DPYSL4: variants seen among roughly 807,000 people sequenced by gnomAD.
DPYSL4 encodes dihydropyrimidinase-related protein 4.
A neutral mutation model predicts 63.4 loss-of-function variants in DPYSL4; 43 were observed. The observed-to-expected ratio is 0.68, with a 90% confidence interval of 0.53 to 0.88. DPYSL4 has a LOEUF of 0.88. DPYSL4 is among the 40% of genes least tolerant of loss of function. DPYSL4 has a pLI of 0.00. For synonymous variants in DPYSL4, 353 were observed against 331.7 expected (o/e 1.06, Z -0.70); for missense variants, 733 against 819.5 (o/e 0.89, Z 1.29).
At chr10:132,204,656 G>A (rs1042497296) in intron 13 of DPYSL4, among the ~76,000 whole-genome samples, 183 bp from the exon 14 acceptor site, 7 of 152,142 alleles carry the variant, frequency 4.6e-5, no homozygotes, top group Non-Finnish European at 1.0e-4. Flanking sequence ...CCTGCACCCC[G>A]GGCCTCAGGG....
At chr10:132,192,635 A>G in intron 2 of DPYSL4, 23 bp from the exon 3 acceptor site, 4 of 1,583,384 alleles carry the variant, frequency 2.5e-6, no homozygotes, top group South Asian at 1.2e-5. Flanking sequence ...CCCTGTAACC[A>G]GTGAAATCTC....
Position 132,194,847 on chromosome 10 carries a change from G to A in DPYSL4, c.316G>A (p.Asp106Asn). 6.2e-7 allele frequency: 1 copy of A among 1,612,298 alleles called. No homozygotes were observed. Among genetic ancestry groups the A allele is most frequent in the Non-Finnish European group, 8.5e-7 (1 of 1,179,584 alleles). The change falls in exon 4 of 14, where the codon GAC (aspartate) becomes AAC (asparagine). Residue 106 changes from aspartate to asparagine, a missense_variant and splice_region_variant. Coordinates refer to ENST00000338492, the MANE Select transcript of DPYSL4 (RefSeq NM_006426.3). ...TGCTGACCATGCTGCCTTCACAGTG[G>A]ACCACGTCTTCCCCGACACGGGTGT... is the stretch of plus-strand genomic sequence containing the variant. Reference protein sequence around the residue: ...ALAGGTTMILDHVFPDTGVSL... With the variant: ...ALAGGTTMILNHVFPDTGVSL...
At chr10:132,204,787 G>GGGCCCC in intron 13 of DPYSL4, 52 bp from the exon 14 acceptor site, 1 of 1,503,596 alleles carries the variant, frequency 6.7e-7, no homozygotes, top group Non-Finnish European at 9.0e-7. Context: ...TTGAATAGAA[G>GGGCCCC]GGCCCCTGCC....
Position 132,200,430 on chromosome 10 carries a change from G to A in DPYSL4, c.886G>A (p.Ala296Thr). 6.2e-7 allele frequency: 1 copy of A among 1,613,600 alleles called. No homozygotes were observed. The highest frequency in any genetic ancestry group is 8.5e-7 in the Non-Finnish European group (1 of 1,179,930). Residue 296 changes from alanine (A) to threonine (T), a missense_variant, in exon 9 of 14, where the codon GCC becomes ACC. Physicochemically the swap from Ala to Thr is moderately conservative, Grantham distance 58 (BLOSUM62 0). Coordinates refer to ENST00000338492, the MANE Select transcript of DPYSL4 (RefSeq NM_006426.3). ...TTCACACTACTGGAGCAAGAACTGG[G>A]CCAAGGCCGCAGCCTTCGTCACATC... is the stretch of plus-strand genomic sequence containing the variant. ...DGSHYWSKNW[A>T]KAAAFVTSPP...
At position 132,202,792 on chromosome 10, in the gene DPYSL4, C is replaced by T. The variant is rs771515279; in HGVS notation, c.1428C>T (p.Asp476=). 1.2e-5 allele frequency: 20 copies of T among 1,608,758 alleles called. No homozygotes were observed. In the South Asian group the frequency reaches 2.2e-4, roughly 18 times the overall value. Residue 476 remains aspartate (D), a synonymous_variant, in exon 12 of 14, where the codon GAC becomes GAT. Coordinates refer to ENST00000338492, the MANE Select transcript of DPYSL4 (RefSeq NM_006426.3). ...TCGTCCCTCGGAAAACATTCCCGGA[C>T]TTTGTCTACAAGAGGATCAAAGCTC... ...GRFVPRKTFP[D]FVYKRIKARN... is the part of the protein sequence containing the mutation.
intron 12 of DPYSL4, 199 bp from the exon 13 acceptor site, chr10:132,203,563 C>T: frequency 5.1e-6 from 3 of 587,934 alleles, no homozygotes; most frequent in South Asian, 2.1e-5. Context: ...GGGAGGACTG[C>T]AAGGAGGGAG....
chr10:132,200,302 C>T (rs547239065), intron 8 of DPYSL4, 54 bp from the exon 9 acceptor site: 1 of 1,602,166 alleles, frequency 6.2e-7, no homozygotes, highest in African/African-American at 1.3e-5. Context: ...GTTCTCGGGG[C>T]CCCAGGGGGT....
Position 132,204,916 on chromosome 10 carries a change from A to G in DPYSL4, c.1705A>G (p.Thr569Ala). ...MAPPGGRSNI[T>A]SLS ...ACCACCTGGCGGCCGCTCCAACATC[A>G]CCTCTCTCTCCTAGACGCCCAGGAC... is the stretch of plus-strand genomic sequence containing the variant. The change falls in exon 14 of 14, where the codon ACC becomes GCC. Residue 569 changes from threonine (T) to alanine (A), a missense_variant. Thr to Ala is a moderately conservative substitution (Grantham distance 58). Coordinates refer to ENST00000338492, the MANE Select transcript of DPYSL4 (RefSeq NM_006426.3). 1 of 1,608,228 alleles carries G rather than the reference A, an allele frequency of 6.2e-7. No individual in the cohort carries two copies. The highest frequency in any genetic ancestry group is 8.5e-7 in the Non-Finnish European group (1 of 1,177,636).
chr10:132,199,992 G>A (rs1416897231), intron 8 of DPYSL4, among the ~76,000 whole-genome samples: 1 of 152,162 alleles, frequency 6.6e-6, no homozygotes, highest in Non-Finnish European at 1.5e-5. Flanking sequence ...ACCCTGGTGA[G>A]GCCATGGCCA....
At chr10:132,203,698 C>G (rs555124269) in intron 12 of DPYSL4, 64 bp from the exon 13 acceptor site, 3 of 1,411,466 alleles carry the variant, frequency 2.1e-6, no homozygotes, top group Non-Finnish European at 2.8e-6. Flanking sequence ...TGCCCCATCT[C>G]TGGCCCCACA....
At chr10:132,201,033 G>A (rs780393396) in intron 10 of DPYSL4, 50 bp downstream of exon 10, 47 of 1,598,142 alleles carry the variant, frequency 2.9e-5, no homozygotes, top group East Asian at 4.5e-5. Context: ...GGCTGTGGGC[G>A]GGATTGTGAT....
At chr10:132,188,185 G>T (rs1293489112) in intron 1 of DPYSL4, among the ~76,000 whole-genome samples, 1 of 152,180 alleles carries the variant, frequency 6.6e-6, no homozygotes, top group Admixed American at 6.5e-5. Flanking sequence ...CCCAGGGGAG[G>T]TCAGGCAACC....
chr10:132,204,404 G>A (rs930867247), intron 13 of DPYSL4, among the ~76,000 whole-genome samples: 7 of 152,162 alleles, frequency 4.6e-5, no homozygotes, highest in African/African-American at 1.2e-4. Flanking sequence ...CTCTGGCGTC[G>A]CTTCTGGTGC....
At chr10:132,188,548 C>T (rs543092223) in intron 1 of DPYSL4, among the ~76,000 whole-genome samples, 1 of 152,274 alleles carries the variant, frequency 6.6e-6, no homozygotes, top group East Asian at 1.9e-4. Context: ...CTGAGCCTGG[C>T]GCTCAGCTGG....
intron 7 of DPYSL4, 69 bp from the exon 8 acceptor site, chr10:132,198,782 C>G (rs201521446): frequency 2.5e-4 from 388 of 1,581,104 alleles, no homozygotes; most frequent in Non-Finnish European, 3.2e-4. Context: ...CCTGGGCATC[C>G]CCATTGCCCA....
chr10:132,203,643 C>T lies in DPYSL4; in HGVS notation c.1462-119C>T, dbSNP rs776765328. 129 of 1,002,820 alleles carry T rather than the reference C, an allele frequency of 1.3e-4. 1 individual carries two copies. The highest frequency in any genetic ancestry group is 1.6e-4 in the Non-Finnish European group (113 of 692,754). 62.1% of individuals were successfully genotyped at this position (1,002,820 alleles called of 1,614,324 possible). A position where few individuals can be genotyped will look rare whatever the true frequency, so the allele number is the denominator to read the frequency against. ...ATTCCTGAAGCTGGCACTGGAGAGGCGCAGAGCAGGCCCAGCCCTCCAGCT... is the reference window on the plus strand; with the variant it reads ...ATTCCTGAAGCTGGCACTGGAGAGGTGCAGAGCAGGCCCAGCCCTCCAGCT... On this transcript the variant is annotated intron_variant, in intron 12 of 13. Transcript: ENST00000338492.
chr10:132,200,173 C>T (rs1245115812), intron 8 of DPYSL4, among the ~76,000 whole-genome samples, 183 bp from the exon 9 acceptor site: 4 of 152,208 alleles, frequency 2.6e-5, no homozygotes, highest in Non-Finnish European at 5.9e-5. Flanking sequence ...GGGCCAACCA[C>T]GTCTGCCCGC....
intron 1 of DPYSL4, among the ~76,000 whole-genome samples, chr10:132,187,846 G>A (rs1042145537): frequency 2.6e-5 from 4 of 152,226 alleles, no homozygotes; most frequent in Non-Finnish European, 4.4e-5. Context: ...AAGCCTCCCC[G>A]CTCGGGCGGG....
rs140946570 is a variant in DPYSL4 at position 132,200,510 on chromosome 10, C to G, written c.966C>G (p.Ser322=). ...TTADHLTCLL[S]SGDLQVTGSA... ...CGGACCACCTCACCTGCTTGCTGTCCAGGTAAGCAGCCTCTCCAGGTGGCC... is the reference window on the plus strand; with the variant it reads ...CGGACCACCTCACCTGCTTGCTGTCGAGGTAAGCAGCCTCTCCAGGTGGCC... Residue 322 remains serine, a splice_region_variant and synonymous_variant, in exon 9 of 14, where the codon TCC becomes TCG. Coordinates refer to ENST00000338492, the MANE Select transcript of DPYSL4 (RefSeq NM_006426.3). The G allele has an allele frequency of 6.2e-7, 1 of 1,612,718 alleles. No homozygotes were observed. The highest frequency in any genetic ancestry group is 8.5e-7 in the Non-Finnish European group (1 of 1,179,796).
Sources: gnomAD v4.1 joint callset for allele counts (sites outside exome capture counted in the v4.1 genomes callset) on GRCh38, gnomAD v4.1.1 for gene constraint, MANE v1.5 for transcripts, NCBI Gene and HGNC (gene_info 2026-07-23, HGNC 2026-07-21) for gene names.